The following DCAF8L2 variants were observed in gnomAD, a reference collection of about 807,000 sequenced individuals.
The protein encoded by DCAF8L2 is DDB1 and CUL4 associated factor 8 like 2.
For missense variants in DCAF8L2, 430 were observed against 490.7 expected, an observed-to-expected ratio of 0.88 and a Z score of 1.17; for synonymous variants, 200 against 190.9, an observed-to-expected ratio of 1.05 and a Z score of -0.39.
chrX:27,641,574 C>G (rs933647332), intron 2 of DCAF8L2, among the ~76,000 whole-genome samples: 7 of 107,526 alleles, frequency 6.5e-5, no homozygotes, highest in Non-Finnish European at 1.1e-4. Context: ...TGGGTTCAAG[C>G]AGTTTTCCTG....
At chrX:27,625,737 C>T (rs752473489) in intron 1 of DCAF8L2, among the ~76,000 whole-genome samples, 6 of 111,556 alleles carry the variant, frequency 5.4e-5, no homozygotes, top group Non-Finnish European at 1.1e-4. Flanking sequence ...AGGCTATTAT[C>T]CTAAGTAAAC....
the DCAF8L2 span, among the ~76,000 whole-genome samples, chrX:27,540,436 G>A: frequency 9.0e-6 from 1 of 111,028 alleles, no homozygotes; most frequent in Non-Finnish European, 1.9e-5. Flanking sequence ...GGATGAGCTC[G>A]GAGGACATTA....
At chrX:27,640,925 G>C (rs1928691781) in intron 2 of DCAF8L2, among the ~76,000 whole-genome samples, 1 of 111,535 alleles carries the variant, frequency 9.0e-6, no homozygotes, top group Non-Finnish European at 1.9e-5. Flanking sequence ...AGGGTTTCTA[G>C]TAGAGATGAC....
chrX:27,704,061 G>GTATATA lies in DCAF8L2; in HGVS notation c.-142-12019_-142-12014dup, dbSNP rs34734812. On this transcript the variant is annotated intron_variant, in intron 3 of 4. Coordinates refer to ENST00000451261, the MANE Select transcript of DCAF8L2 (RefSeq NM_001353450.2). ...AATGTAAAGATAACACATTGTGTGT[G>GTATATA]TATATATATATATGTATAAATCAAG... Among the ~76,000 whole-genome samples, 316 of 99,143 alleles carry GTATATA rather than the reference G, an allele frequency of 3.2e-3. 2 individuals are homozygous for GTATATA. Among genetic ancestry groups the GTATATA allele is most frequent in the African/African-American group, 0.011 (293 of 25,676 alleles). 86.1% of individuals were successfully genotyped at this position (99,143 alleles called of 115,157 possible).
the DCAF8L2 span, among the ~76,000 whole-genome samples, chrX:27,506,550 A>T: frequency 2.7e-5 from 3 of 110,587 alleles, no homozygotes; most frequent in African/African-American, 9.9e-5. Flanking sequence ...TTCCTCTTTC[A>T]ACTTCTGGTA....
At chrX:27,677,030 C>T (rs567144439) in intron 2 of DCAF8L2, 1 of 111,966 alleles carries the variant, frequency 8.9e-6, no homozygotes, top group South Asian at 3.7e-4. Context: ...GAGCAGAAAC[C>T]TAACTGTTGA....
At chrX:27,738,550 T>G (rs896904450) in intron 4 of DCAF8L2, among the ~76,000 whole-genome samples, 15 of 112,121 alleles carry the variant, frequency 1.3e-4, no homozygotes, top group African/African-American at 4.5e-4. Context: ...TCCCCAACTC[T>G]CTGTCATCCT....
rs139803615 is a variant in DCAF8L2 at position 27,659,795 on chromosome X, T to G, written c.-219-18041T>G. On this transcript the variant is annotated intron_variant, in intron 2 of 4. Coordinates refer to ENST00000451261, the MANE Select transcript of DCAF8L2 (RefSeq NM_001353450.2). ...TATTTGGTTCTTTTTAGTATCTATC[T>G]CTTTGTTGAATTTCTCATTTAGATC... Among the ~76,000 whole-genome samples, 720 of 111,599 alleles carry G rather than the reference T, an allele frequency of 6.5e-3. 6 individuals are homozygous for G. Among genetic ancestry groups the G allele is most frequent in the Middle Eastern group, 0.023 (5 of 215 alleles).
At chrX:27,477,917 C>T in the DCAF8L2 span, among the ~76,000 whole-genome samples, 1 of 111,345 alleles carries the variant, frequency 9.0e-6, no homozygotes, top group Non-Finnish European at 1.9e-5. Flanking sequence ...AATGAAAATG[C>T]CTAGAATATG....
At chrX:27,518,369 A>T in the DCAF8L2 span, 4 of 848,751 alleles carry the variant, frequency 4.7e-6, no homozygotes, top group Middle Eastern at 4.1e-4. Flanking sequence ...GAGGAATGCT[A>T]AGGGAGGATT....
At chrX:27,716,757 C>A (rs1931714778) in intron 4 of DCAF8L2, among the ~76,000 whole-genome samples, 2 of 111,988 alleles carry the variant, frequency 1.8e-5, no homozygotes, top group Admixed American at 1.9e-4. Context: ...TTCTGGGGGA[C>A]ATGTGCAGGA....
chrX:27,679,704 ATTC>A (rs779696807), intron 3 of DCAF8L2, among the ~76,000 whole-genome samples: 2 of 111,192 alleles, frequency 1.8e-5, no homozygotes, highest in African/African-American at 3.3e-5. Context: ...CTCATCCACT[ATTC>A]TTCTTTCAAG....
At chrX:27,628,892 T>C (rs761215933) in intron 1 of DCAF8L2, among the ~76,000 whole-genome samples, 10 of 111,799 alleles carry the variant, frequency 8.9e-5, no homozygotes, top group Non-Finnish European at 1.3e-4. Flanking sequence ...TGTGAGTCTT[T>C]TTGATAGTAG....
Position 27,686,518 on chromosome X carries a change from TA to T in DCAF8L2, c.-143+8615del, listed in dbSNP as rs1041699943. Among the ~76,000 whole-genome samples, 4 of 107,860 alleles carry T rather than the reference TA, an allele frequency of 3.7e-5. No homozygotes were observed. In the South Asian group the frequency reaches 1.2e-3, roughly 33 times the overall value. 93.7% of individuals were successfully genotyped at this position (107,860 alleles called of 115,157 possible). A position where few individuals can be genotyped will look rare whatever the true frequency, so the allele number is the denominator to read the frequency against. On this transcript the variant is annotated intron_variant, in intron 3 of 4. Transcript: ENST00000451261. The stretch of plus-strand genomic sequence containing the variant: ...CACATTCTCACTCATATGTAGGAGC[TA>T]AAAAAAAAGGTGTATCTCATGAAGA...
chrX:27,496,245 A>G, the DCAF8L2 span, among the ~76,000 whole-genome samples: 1 of 111,977 alleles, frequency 8.9e-6, no homozygotes, highest in African/African-American at 3.2e-5. Context: ...ATGTTTTAAA[A>G]AACTTTAATG....
At chrX:27,481,135 T>C in the DCAF8L2 span, among the ~76,000 whole-genome samples, 1 of 110,949 alleles carries the variant, frequency 9.0e-6, no homozygotes, top group African/African-American at 3.3e-5. Context: ...CCCAGCACTT[T>C]AGGAGGCCAA....
the DCAF8L2 span, among the ~76,000 whole-genome samples, chrX:27,579,904 AATT>A: frequency 3.7e-5 from 4 of 108,701 alleles, no homozygotes; most frequent in African/African-American, 1.3e-4. Flanking sequence ...AAGATGATAT[AATT>A]ATTATATTAA....
At chrX:27,700,659 A>C (rs751003992) in intron 3 of DCAF8L2, among the ~76,000 whole-genome samples, 1 of 111,230 alleles carries the variant, frequency 9.0e-6, no homozygotes, top group South Asian at 3.7e-4. Flanking sequence ...GGAAATACGA[A>C]TTTTGCCACC....
At chrX:27,538,524 T>G in the DCAF8L2 span, among the ~76,000 whole-genome samples, 10,469 of 109,475 alleles carry the variant, frequency 0.096, 405 homozygotes, top group Non-Finnish European at 0.12. Context: ...CTCCTGAGTA[T>G]CTGGGATTAC....
Sources: allele counts gnomAD v4.1 joint callset (sites outside exome capture counted in the v4.1 genomes callset), GRCh38; gene constraint gnomAD v4.1.1; transcripts MANE v1.5; gene names NCBI Gene and HGNC (gene_info 2026-07-23, HGNC 2026-07-21).